Variants in PCDHA1 observed in about 807,000 individuals in gnomAD.
PCDHA1 encodes the protein protocadherin alpha 1, also known as protocadherin alpha-1.
Under a neutral mutation model 61.3 loss-of-function variants are expected in PCDHA1, and 42 were observed. The observed-to-expected ratio is 0.69, with a 90% CI of 0.54 to 0.89. The LOEUF (loss-of-function observed/expected upper bound fraction) is 0.89, where lower values mean the gene tolerates loss of function less well. PCDHA1 is among the 40% of genes least tolerant of loss of function. The pLI, the probability that PCDHA1 is intolerant of heterozygous loss-of-function variation, is 0.00. For synonymous variants in PCDHA1, 610 were observed against 553.8 expected, an observed-to-expected ratio of 1.10 and a Z score of -1.43; for missense variants, 1,256 against 1,235.3, an observed-to-expected ratio of 1.02 and a Z score of -0.25.
At position 140,853,802 on chromosome 5, in the gene PCDHA1, G is replaced by T. The variant is rs10054866; in HGVS notation, c.2394+65118G>T. The T allele has an allele frequency of 3.5e-3, 3,416 of 986,938 alleles. 247 individuals are homozygous for T. The African/African-American group carries it at 0.056, about 16-fold the overall frequency. 61.1% of individuals were successfully genotyped at this position (986,938 alleles called of 1,614,324 possible). Reference sequence around the variant, plus strand: ...AGTAAGAGCAAATTTTCATTTTAAAGCACACCTGAGATGATTCTCATACAA... The same window carrying T: ...AGTAAGAGCAAATTTTCATTTTAAATCACACCTGAGATGATTCTCATACAA... On this transcript the variant is annotated intron_variant, in intron 1 of 3. Coordinates refer to ENST00000504120, the MANE Select transcript of PCDHA1 (RefSeq NM_018900.4).
Position 140,967,000 on chromosome 5 carries a change from C to T in PCDHA1, c.2395-11949C>T, listed in dbSNP as rs544624379. The T allele has an allele frequency of 6.1e-5, 98 of 1,604,962 alleles. No individual in the cohort carries two copies. The East Asian group carries it at 2.1e-3, about 35-fold the overall frequency. ...GGCGCTTGGGGCCGGGTTGCTTGCG[C>T]ATCAACCATCTGGGTGCGCCCAGTC... On this transcript the variant is annotated intron_variant, in intron 1 of 3. Coordinates refer to ENST00000504120, the MANE Select transcript of PCDHA1 (RefSeq NM_018900.4).
intron 1 of PCDHA1, chr5:140,801,549 C>A: frequency 6.2e-7 from 1 of 1,614,204 alleles, no homozygotes; most frequent in Non-Finnish European, 8.5e-7. Context: ...GCAGGTTTTC[C>A]ATGTGGAGGT....
chr5:140,858,123 T>C, intron 1 of PCDHA1: 1 of 1,597,678 alleles, frequency 6.3e-7, no homozygotes, highest in East Asian at 2.2e-5. Flanking sequence ...GTGGCCCTGG[T>C]GGATGTCAAC....
At chr5:140,946,867 G>A (rs1194586546) in intron 1 of PCDHA1, among the ~76,000 whole-genome samples, 1 of 151,282 alleles carries the variant, frequency 6.6e-6, no homozygotes, top group Non-Finnish European at 1.5e-5. Context: ...GGAGAGGTTG[G>A]TCAATGGGTA....
intron 1 of PCDHA1, chr5:140,862,986 T>C (rs897931834): frequency 3.7e-6 from 2 of 546,930 alleles, no homozygotes; most frequent in Non-Finnish European, 3.6e-6. Flanking sequence ...GTGGCGAAGG[T>C]GCGCACGGTG....
At chr5:140,796,767 A>C (rs781935896) in intron 1 of PCDHA1, 7 of 1,614,026 alleles carry the variant, frequency 4.3e-6, no homozygotes, top group East Asian at 2.2e-5. Flanking sequence ...ACGCTGACTC[A>C]GGCTACAACG....
At chr5:140,836,744 T>A in intron 1 of PCDHA1, 1 of 1,588,470 alleles carries the variant, frequency 6.3e-7, no homozygotes, top group Non-Finnish European at 8.5e-7. Context: ...ACAATGTGAG[T>A]CATAAATAAT....
Position 140,786,178 on chromosome 5 carries a change from C to T in PCDHA1, c.-113C>T. On this transcript the variant is annotated 5_prime_UTR_variant, in exon 1 of 4. Transcript: ENST00000504120. ...AGTGAAGGAGGAAGCTCCATTTTGT[C>T]ACCGCCTGAGAGAAGACAGAAACGG... 2 of 1,384,824 alleles carry T rather than the reference C, an allele frequency of 1.4e-6. No homozygotes were observed. The highest frequency in any genetic ancestry group is 4.6e-5 in the East Asian group (2 of 43,418). 85.8% of individuals were successfully genotyped at this position (1,384,824 alleles called of 1,614,324 possible).
intron 1 of PCDHA1, among the ~76,000 whole-genome samples, chr5:140,961,479 C>A (rs2095615905): frequency 6.6e-6 from 1 of 152,108 alleles, no homozygotes; most frequent in Admixed American, 6.6e-5. Context: ...TTTGTCTTGT[C>A]CACGTGAGTA....
At chr5:140,946,631 T>TATATATATAC (rs57893927) in intron 1 of PCDHA1, among the ~76,000 whole-genome samples, 18,480 of 131,524 alleles carry the variant, frequency 0.14, 1,838 homozygotes, top group East Asian at 0.38. Context: ...TATATATATA[T>TATATATATAC]ACAATGGAAT....
chr5:140,936,944 T>A (rs900789474), intron 1 of PCDHA1, among the ~76,000 whole-genome samples: 3 of 152,226 alleles, frequency 2.0e-5, no homozygotes, highest in African/African-American at 7.2e-5. Flanking sequence ...AATATCTTAT[T>A]TTGATCTTTA....
At chr5:140,968,141 A>G in intron 1 of PCDHA1, 1 of 1,614,110 alleles carries the variant, frequency 6.2e-7, no homozygotes, top group Non-Finnish European at 8.5e-7. Context: ...GAAGGTTGAG[A>G]TCTCTGACAT....
At chr5:140,956,454 A>G (rs1276644004) in intron 1 of PCDHA1, among the ~76,000 whole-genome samples, 1 of 152,212 alleles carries the variant, frequency 6.6e-6, no homozygotes, top group African/African-American at 2.4e-5. Flanking sequence ...AATTACATTT[A>G]TTGATTTGCA....
At chr5:140,933,692 C>T (rs2089349269) in intron 1 of PCDHA1, among the ~76,000 whole-genome samples, 1 of 151,798 alleles carries the variant, frequency 6.6e-6, no homozygotes, top group African/African-American at 2.4e-5. Context: ...TTTCCTATTC[C>T]TCGGACACAT....
chr5:140,805,121 T>C, intron 1 of PCDHA1: 1 of 1,585,938 alleles, frequency 6.3e-7, no homozygotes, highest in Non-Finnish European at 8.5e-7. Context: ...ACAAGACTCT[T>C]GGCAAAGACA....
At chr5:140,984,965 T>G (rs2097128606) in intron 3 of PCDHA1, among the ~76,000 whole-genome samples, 1 of 151,666 alleles carries the variant, frequency 6.6e-6, no homozygotes, top group Non-Finnish European at 1.5e-5. Context: ...TGAGACAGAG[T>G]CTCGCTCTGT....
intron 1 of PCDHA1, chr5:140,823,348 G>T (rs2150124872): frequency 1.2e-6 from 2 of 1,612,460 alleles, no homozygotes; most frequent in Non-Finnish European, 1.7e-6. Flanking sequence ...GCTGGACCAC[G>T]AGGAAGTGGA....
intron 1 of PCDHA1, chr5:140,803,920 T>A: frequency 2.0e-6 from 1 of 488,680 alleles, no homozygotes. Context: ...CTTCGACTTG[T>A]TTTATACTTA....
rs781784518 is a variant in PCDHA1, at chr5:140,857,448, A to G, written c.2394+68764A>G. The G allele has an allele frequency of 6.3e-7, 1 of 1,597,896 alleles. No homozygotes were observed. Among genetic ancestry groups the G allele is most frequent in the Non-Finnish European group, 8.6e-7 (1 of 1,167,724 alleles). ...TACACGGTGTTCGTGAAGGAGAACA[A>G]CCCGCCAGGCTGCCACATCTTCACG... On this transcript the variant is annotated intron_variant, in intron 1 of 3. Coordinates refer to ENST00000504120, the MANE Select transcript of PCDHA1 (RefSeq NM_018900.4).
Sources: allele counts gnomAD v4.1 joint callset (sites outside exome capture counted in the v4.1 genomes callset), GRCh38; gene constraint gnomAD v4.1.1; transcripts MANE v1.5; gene names NCBI Gene and HGNC (gene_info 2026-07-23, HGNC 2026-07-21).